AKAP7: variants seen among roughly 807,000 people sequenced by gnomAD.
AKAP7 encodes the protein A kinase (PRKA) anchor protein 7.
In AKAP7, 39 loss-of-function variants were observed where a neutral mutation model predicts 39.5. The ratio of observed to expected loss-of-function variants is 0.99; its 90% CI spans 0.76 to 1.29. The LOEUF is 1.29. Ranked by LOEUF, AKAP7 falls within the 50% of genes most tolerant of loss-of-function variation. The pLI is 0.00. For synonymous variants in AKAP7, 140 were observed against 139.1 expected (o/e 1.01, Z -0.05); for missense variants, 414 against 407.7 (o/e 1.02, Z -0.13).
chr6:131,172,168 T>C (rs1280933415), intron 5 of AKAP7, among the ~76,000 whole-genome samples: 1 of 152,158 alleles, frequency 6.6e-6, no homozygotes. Flanking sequence ...GTGAAGTCCC[T>C]AGGTACATGA....
At chr6:131,190,935 T>G (rs1806348664) in intron 5 of AKAP7, among the ~76,000 whole-genome samples, 2 of 152,198 alleles carry the variant, frequency 1.3e-5, no homozygotes, top group African/African-American at 4.8e-5. Context: ...AAATAACTTT[T>G]AGAGTCTCTT....
At chr6:131,169,631 A>AC (rs1803836982) in intron 5 of AKAP7, among the ~76,000 whole-genome samples, 1 of 152,180 alleles carries the variant, frequency 6.6e-6, no homozygotes, top group South Asian at 2.1e-4. Context: ...GAGCAGAAGG[A>AC]CCATTGGTGT....
chr6:131,185,216 T>C (rs182981416), intron 5 of AKAP7: 14 of 475,220 alleles, frequency 2.9e-5, no homozygotes, highest in African/African-American at 1.6e-4. Context: ...GGAAGAAAAA[T>C]TGTGGATCTT....
At chr6:131,188,683 C>T (rs1218948919) in intron 5 of AKAP7, among the ~76,000 whole-genome samples, 1 of 151,824 alleles carries the variant, frequency 6.6e-6, no homozygotes, top group Non-Finnish European at 1.5e-5. Context: ...GGACTACAGG[C>T]ATAGGCCATC....
chr6:131,266,033 G>C (rs1170899362), intron 7 of AKAP7, among the ~76,000 whole-genome samples: 1 of 152,192 alleles, frequency 6.6e-6, no homozygotes, highest in Non-Finnish European at 1.5e-5. Flanking sequence ...GAAGCAGCTG[G>C]TGGTGAAAGA....
upstream of AKAP7, among the ~76,000 whole-genome samples, chr6:131,131,033 G>A (rs1381819553): frequency 6.6e-6 from 1 of 152,228 alleles, no homozygotes; most frequent in Non-Finnish European, 1.5e-5. Flanking sequence ...AGCTTGTTCA[G>A]GCGTGAGCAG....
chr6:131,216,263 G>C (rs1185665652), intron 6 of AKAP7, among the ~76,000 whole-genome samples: 4 of 152,132 alleles, frequency 2.6e-5, no homozygotes, highest in East Asian at 3.8e-4. Flanking sequence ...GTGACCGTCT[G>C]TCTACTTCCT....
chr6:131,195,065 C>G (rs1289011340), intron 5 of AKAP7, among the ~76,000 whole-genome samples: 1 of 151,958 alleles, frequency 6.6e-6, no homozygotes, highest in Non-Finnish European at 1.5e-5. Flanking sequence ...AGGACTTCTT[C>G]TTGCCATTTG....
chr6:131,147,222 T>C (rs1472109684), intron 2 of AKAP7, among the ~76,000 whole-genome samples: 1 of 152,252 alleles, frequency 6.6e-6, no homozygotes, highest in Non-Finnish European at 1.5e-5. Context: ...AATCTTTTTG[T>C]TTAAAAATTT....
chr6:131,190,676 GT>G (rs1806325563), intron 5 of AKAP7, among the ~76,000 whole-genome samples: 1 of 150,494 alleles, frequency 6.6e-6, no homozygotes, highest in Non-Finnish European at 1.5e-5. Flanking sequence ...AGAGAAAAAT[GT>G]TTTCTTTAGA....
chr6:131,138,039 GT>G (rs1800723587), intron 1 of AKAP7, among the ~76,000 whole-genome samples: 1 of 152,018 alleles, frequency 6.6e-6, no homozygotes, highest in African/African-American at 2.4e-5. Context: ...AGCATGCTTC[GT>G]TTAACTGTTT....
chr6:131,199,948 G>A (rs1431224314), intron 6 of AKAP7: 9 of 227,948 alleles, frequency 3.9e-5, no homozygotes, highest in Admixed American at 6.3e-5. Context: ...GGCCTGTTAC[G>A]CTGGTGCTGC....
At chr6:131,205,577 C>T (rs1275999373) in intron 6 of AKAP7, among the ~76,000 whole-genome samples, 1 of 152,170 alleles carries the variant, frequency 6.6e-6, no homozygotes, top group Non-Finnish European at 1.5e-5. Flanking sequence ...GAAACTCTCT[C>T]TCAAATGTCC....
intron 1 of AKAP7, among the ~76,000 whole-genome samples, chr6:131,144,688 T>C (rs939648447): frequency 7.9e-5 from 12 of 152,236 alleles, no homozygotes; most frequent in Non-Finnish European, 1.0e-4. Context: ...ATAGGAAATA[T>C]GGCTTTAAAG....
intron 5 of AKAP7, among the ~76,000 whole-genome samples, chr6:131,193,060 G>C (rs1444708971): frequency 6.6e-6 from 1 of 151,970 alleles, no homozygotes; most frequent in African/African-American, 2.4e-5. Context: ...TTTTCAGTTT[G>C]AATGCCCTTT....
chr6:131,183,547 ATCCT>A (rs1371488259), intron 5 of AKAP7, among the ~76,000 whole-genome samples: 1 of 151,974 alleles, frequency 6.6e-6, no homozygotes, highest in Non-Finnish European at 1.5e-5. Context: ...TGGCCCCCTG[ATCCT>A]TCCCCTCTCC....
chr6:131,263,355 G>C (rs1011066797), intron 7 of AKAP7, among the ~76,000 whole-genome samples: 2 of 152,062 alleles, frequency 1.3e-5, no homozygotes, highest in African/African-American at 4.8e-5. Context: ...TCAGTGATGG[G>C]GATATGACTT....
intron 7 of AKAP7, chr6:131,253,128 C>G: frequency 6.2e-7 from 1 of 1,602,624 alleles, no homozygotes; most frequent in Non-Finnish European, 8.5e-7. Flanking sequence ...TGACCCCTCC[C>G]CTCTCCTGCT....
chr6:131,272,802 TA>T (rs1814402426), intron 7 of AKAP7, among the ~76,000 whole-genome samples: 1 of 152,210 alleles, frequency 6.6e-6, no homozygotes, highest in Non-Finnish European at 1.5e-5. Context: ...TTCTATACAC[TA>T]AAACAAAAGT....
Sources: gnomAD v4.1 joint callset for allele counts (sites outside exome capture counted in the v4.1 genomes callset) on GRCh38, gnomAD v4.1.1 for gene constraint, MANE v1.5 for transcripts, NCBI Gene and HGNC (gene_info 2026-07-23, HGNC 2026-07-21) for gene names.